Variants in SNTG1 observed in about 807,000 individuals in gnomAD.
SNTG1 encodes syntrophin gamma 1, also known as gamma-1-syntrophin.
Under a neutral mutation model 74.7 loss-of-function variants are expected in SNTG1, and 39 were observed. The observed-to-expected ratio is 0.52, with a 90% CI of 0.40 to 0.68. The LOEUF (loss-of-function observed/expected upper bound fraction) is 0.68, where lower values mean the gene tolerates loss of function less well. Ranked by LOEUF, SNTG1 falls within the 30% of genes least tolerant of loss-of-function variation. The probability of loss-of-function intolerance (pLI) is 0.00; values close to 1 mark genes in which losing one functional copy is unlikely to be tolerated. For synonymous variants in SNTG1, 254 were observed against 217.1 expected (o/e 1.17, Z -1.49); for missense variants, 685 against 609.5 (o/e 1.12, Z -1.30).
chr8:50,054,783 G>T (rs1208633692), intron 1 of SNTG1, among the ~76,000 whole-genome samples: 2 of 151,970 alleles, frequency 1.3e-5, no homozygotes, highest in African/African-American at 2.4e-5. Context: ...GCCATTTTCT[G>T]ACCTCAGCCT....
chr8:49,922,916 C>A (rs1463983768), intron 1 of SNTG1, among the ~76,000 whole-genome samples: 1 of 152,074 alleles, frequency 6.6e-6, no homozygotes, highest in Non-Finnish European at 1.5e-5. Flanking sequence ...TAACTCTTCT[C>A]CTGTTTTTCT....
chr8:50,337,032 A>G (rs1563914962), intron 2 of SNTG1, among the ~76,000 whole-genome samples: 1 of 152,246 alleles, frequency 6.6e-6, no homozygotes, highest in Non-Finnish European at 1.5e-5. Context: ...AGTTCCGTAC[A>G]GAAAATGTAT....
At chr8:50,412,428 T>C (rs2092961035) in intron 4 of SNTG1, among the ~76,000 whole-genome samples, 1 of 152,206 alleles carries the variant, frequency 6.6e-6, no homozygotes, top group Admixed American at 6.5e-5. Context: ...TTTCTGATTC[T>C]TATTATTATG....
intron 2 of SNTG1, among the ~76,000 whole-genome samples, chr8:50,368,828 A>T (rs2092193130): frequency 6.6e-6 from 1 of 152,138 alleles, no homozygotes; most frequent in Admixed American, 6.6e-5. Context: ...CTTTCATGGG[A>T]ATCATCACTT....
At chr8:50,584,512 C>CTTTTTT (rs34546157) in intron 12 of SNTG1, among the ~76,000 whole-genome samples, 2 of 126,804 alleles carry the variant, frequency 1.6e-5, no homozygotes, top group Non-Finnish European at 3.2e-5. Flanking sequence ...TTCTCTGATT[C>CTTTTTT]TTTTTTTTTT....
chr8:50,359,059 T>A (rs898262859), intron 2 of SNTG1, among the ~76,000 whole-genome samples: 1 of 152,160 alleles, frequency 6.6e-6, no homozygotes, highest in Non-Finnish European at 1.5e-5. Context: ...CGACAGCAAA[T>A]GTTTCTGCCT....
At chr8:50,570,112 T>C (rs2094538370) in intron 12 of SNTG1, among the ~76,000 whole-genome samples, 1 of 151,958 alleles carries the variant, frequency 6.6e-6, no homozygotes, top group African/African-American at 2.4e-5. Flanking sequence ...CAAGTTTTAA[T>C]ATTGGAAATT....
chr8:50,269,855 A>C (rs959833149), intron 2 of SNTG1, among the ~76,000 whole-genome samples: 2 of 152,192 alleles, frequency 1.3e-5, no homozygotes, highest in Non-Finnish European at 2.9e-5. Flanking sequence ...AGACGTATAC[A>C]CATTTACTCT....
At chr8:50,527,987 T>C (rs768108395) in intron 9 of SNTG1, among the ~76,000 whole-genome samples, 1 of 152,012 alleles carries the variant, frequency 6.6e-6, no homozygotes, top group Non-Finnish European at 1.5e-5. Context: ...TAAAATATAA[T>C]TTAATTTTAT....
intron 1 of SNTG1, among the ~76,000 whole-genome samples, chr8:49,938,559 T>A (rs1307464831): frequency 3.7e-5 from 1 of 26,726 alleles, no homozygotes; most frequent in African/African-American, 1.1e-4. Context: ...TTTCTTTTGT[T>A]TTCTTTTCTT....
At chr8:50,056,837 C>T (rs1206072803) in intron 1 of SNTG1, among the ~76,000 whole-genome samples, 1 of 152,186 alleles carries the variant, frequency 6.6e-6, no homozygotes, top group African/African-American at 2.4e-5. Flanking sequence ...CAGCAGGACA[C>T]TGGGCTGCAT....
chr8:50,634,080 G>C (rs550824977), intron 13 of SNTG1, among the ~76,000 whole-genome samples: 2 of 152,178 alleles, frequency 1.3e-5, no homozygotes, highest in Non-Finnish European at 2.9e-5. Flanking sequence ...CTGGGCTGCC[G>C]CAGCTGTCCA....
intron 2 of SNTG1, among the ~76,000 whole-genome samples, chr8:50,205,375 A>G (rs893989751): frequency 3.9e-5 from 6 of 152,134 alleles, no homozygotes; most frequent in African/African-American, 7.2e-5. Flanking sequence ...TCTTCTTTTG[A>G]GAAGTGTCTG....
chr8:50,628,209 T>C (rs1421989684), intron 13 of SNTG1, among the ~76,000 whole-genome samples: 2 of 151,496 alleles, frequency 1.3e-5, no homozygotes, highest in African/African-American at 4.8e-5. Flanking sequence ...TGAAGCTACT[T>C]TTTTTTTTCT....
At chr8:50,383,515 A>G (rs536660569) in intron 2 of SNTG1, among the ~76,000 whole-genome samples, 1 of 152,330 alleles carries the variant, frequency 6.6e-6, no homozygotes, top group East Asian at 1.9e-4. Flanking sequence ...TGAGAAAGAA[A>G]TAACAATTAC....
chr8:49,949,731 C>G lies in SNTG1; in HGVS notation c.-103+37500C>G, dbSNP rs577781222. ...CCTAAGATTGCCATACTTCCAGAAGCACAAGGGAATACCTGTTAACCCACG... is the reference window on the plus strand; with the variant it reads ...CCTAAGATTGCCATACTTCCAGAAGGACAAGGGAATACCTGTTAACCCACG... On this transcript the variant is annotated intron_variant, in intron 1 of 18. Transcript: ENST00000642720. 6.3e-4 allele frequency among the ~76,000 whole-genome samples: 96 copies of G among 152,326 alleles called. No individual in the cohort carries two copies. The South Asian group carries it at 6.6e-3, about 11-fold the overall frequency.
chr8:50,087,763 A>C (rs1434611749), intron 1 of SNTG1, among the ~76,000 whole-genome samples: 1 of 151,872 alleles, frequency 6.6e-6, no homozygotes, highest in Non-Finnish European at 1.5e-5. Context: ...TTTAGAATTT[A>C]TTTTATTTAT....
chr8:50,754,384 G>T (rs987573288), intron 18 of SNTG1, among the ~76,000 whole-genome samples: 3 of 151,764 alleles, frequency 2.0e-5, no homozygotes, highest in Admixed American at 6.6e-5. Flanking sequence ...TAAAATTTTG[G>T]TTCTGCTCAT....
chr8:50,412,392 T>A (rs965507504), intron 4 of SNTG1, among the ~76,000 whole-genome samples: 3 of 152,192 alleles, frequency 2.0e-5, no homozygotes, highest in Non-Finnish European at 4.4e-5. Context: ...CTTTGACAGA[T>A]TGAGTCCATT....
Sources: gnomAD v4.1 joint callset for allele counts (sites outside exome capture counted in the v4.1 genomes callset) on GRCh38, gnomAD v4.1.1 for gene constraint, MANE v1.5 for transcripts, NCBI Gene and HGNC (gene_info 2026-07-23, HGNC 2026-07-21) for gene names.